Variants in PARD3B observed in about 807,000 individuals in gnomAD.
The protein encoded by PARD3B is partitioning defective 3 homolog B.
In PARD3B, 103 loss-of-function variants were observed where a neutral mutation model predicts 130.2. The observed-to-expected ratio is 0.79, with a 90% CI of 0.67 to 0.93. PARD3B has a LOEUF of 0.93. Among genes scored for constraint, PARD3B ranks in the 40% least tolerant of loss-of-function variants. The pLI, the probability that PARD3B is intolerant of heterozygous loss-of-function variation, is 0.00. For synonymous variants in PARD3B, 583 were observed against 553.2 expected, an observed-to-expected ratio of 1.05 and a Z score of -0.76; for missense variants, 1,609 against 1,499.2, an observed-to-expected ratio of 1.07 and a Z score of -1.21.
At chr2:205,479,362 C>T (rs886179667) in intron 20 of PARD3B, among the ~76,000 whole-genome samples, 14 of 152,178 alleles carry the variant, frequency 9.2e-5, no homozygotes, top group African/African-American at 3.4e-4. Flanking sequence ...CCAAAGTCTA[C>T]AGAAGACACA....
intron 4 of PARD3B, among the ~76,000 whole-genome samples, chr2:205,066,775 T>C (rs940937794): frequency 6.6e-6 from 1 of 152,212 alleles, no homozygotes; most frequent in African/African-American, 2.4e-5. Flanking sequence ...CTTCTAATTC[T>C]AAATCATCTA....
At chr2:205,598,540 A>G (rs989806369) in intron 22 of PARD3B, among the ~76,000 whole-genome samples, 1 of 152,204 alleles carries the variant, frequency 6.6e-6, no homozygotes, top group Non-Finnish European at 1.5e-5. Context: ...CCCCACTCAC[A>G]GCATTAGTTG....
chr2:205,093,999 C>T (rs181804843), intron 4 of PARD3B, among the ~76,000 whole-genome samples: 1 of 152,288 alleles, frequency 6.6e-6, no homozygotes, highest in East Asian at 1.9e-4. Context: ...TTTCCACATG[C>T]TATAAGAACC....
At chr2:204,794,152 C>G (rs2042289529) in intron 2 of PARD3B, among the ~76,000 whole-genome samples, 1 of 151,936 alleles carries the variant, frequency 6.6e-6, no homozygotes, top group African/African-American at 2.4e-5. Context: ...TGGTAATGTT[C>G]AAAGCAACAT....
intron 1 of PARD3B, among the ~76,000 whole-genome samples, chr2:204,598,403 G>C (rs1378880130): frequency 6.6e-6 from 1 of 152,076 alleles, no homozygotes; most frequent in African/African-American, 2.4e-5. Context: ...GACTACAGGG[G>C]TAGTTTATCT....
chr2:204,980,576 C>T (rs2125207232), intron 3 of PARD3B, among the ~76,000 whole-genome samples: 1 of 152,294 alleles, frequency 6.6e-6, no homozygotes, highest in South Asian at 2.1e-4. Flanking sequence ...TTATTATCTC[C>T]AGGCATAATT....
chr2:205,451,494 T>C (rs569430607), intron 20 of PARD3B, among the ~76,000 whole-genome samples: 16 of 152,174 alleles, frequency 1.1e-4, no homozygotes, highest in Non-Finnish European at 2.4e-4. Context: ...TTCTCTTTTT[T>C]TTCAGTTCCC....
intron 1 of PARD3B, among the ~76,000 whole-genome samples, chr2:204,621,811 C>A (rs1323770524): frequency 1.3e-5 from 2 of 152,152 alleles, no homozygotes; most frequent in African/African-American, 4.8e-5. Context: ...TGGGTCTATA[C>A]AACTTGTAAA....
At chr2:204,587,631 A>G (rs2032885981) in intron 1 of PARD3B, among the ~76,000 whole-genome samples, 3 of 152,204 alleles carry the variant, frequency 2.0e-5, no homozygotes, top group African/African-American at 7.2e-5. Flanking sequence ...ATTCAGCTCA[A>G]ATAAGCCAAT....
chr2:204,618,189 T>A (rs1224178205), intron 1 of PARD3B, among the ~76,000 whole-genome samples: 1 of 152,212 alleles, frequency 6.6e-6, no homozygotes, highest in Non-Finnish European at 1.5e-5. Flanking sequence ...TACTGGGCCA[T>A]GTTTATGTCC....
Position 204,686,040 on chromosome 2 carries a change from A to G in PARD3B, c.121-141A>G, listed in dbSNP as rs553084546. ...GCCAAGTATTTTTTTCCAAATAAAT[A>G]GATAACATTTGTTTTCAGTGTTTAA... On this transcript the variant is annotated intron_variant, in intron 1 of 22. Coordinates refer to ENST00000406610, the MANE Select transcript of PARD3B (RefSeq NM_001302769.2). The G allele has an allele frequency of 2.2e-5, 13 of 595,884 alleles. No individual in the cohort carries two copies. The South Asian group carries it at 2.9e-4, about 13-fold the overall frequency. The allele number at this position is 595,884 out of a possible 1,614,324, so 36.9% of individuals were successfully genotyped here.
intron 2 of PARD3B, among the ~76,000 whole-genome samples, chr2:204,691,805 A>G (rs1022315127): frequency 5.4e-5 from 8 of 148,520 alleles, no homozygotes; most frequent in Admixed American, 2.0e-4. Flanking sequence ...TGCTTTTTAA[A>G]CAAAACTGAT....
At chr2:205,581,775 C>T (rs1367204913) in intron 22 of PARD3B, among the ~76,000 whole-genome samples, 3 of 151,692 alleles carry the variant, frequency 2.0e-5, no homozygotes, top group Non-Finnish European at 4.4e-5. Flanking sequence ...TAAAAAGATA[C>T]CTAAATCATC....
At chr2:205,454,877 G>A (rs927587074) in intron 20 of PARD3B, among the ~76,000 whole-genome samples, 2 of 152,084 alleles carry the variant, frequency 1.3e-5, no homozygotes, top group Non-Finnish European at 2.9e-5. Context: ...TACAGGGAAG[G>A]TTAGTCTTTA....
rs1258768323 is a variant in PARD3B at position 205,568,617 on chromosome 2, T to C, written c.3260+15214T>C. 6.6e-6 allele frequency among the ~76,000 whole-genome samples: 1 copy of C among 152,152 alleles called. No homozygotes were observed. Among genetic ancestry groups the C allele is most frequent in the Non-Finnish European group, 1.5e-5 (1 of 68,028 alleles). On this transcript the variant is annotated intron_variant, in intron 22 of 22. Transcript: ENST00000406610. The surrounding 1 kb of genome is among the most constrained non-coding windows in gnomAD (Gnocchi z 5.3). ...TGATGGTTTGAGTGTGTGCTGTGGCTTTACCTAGGATCGTGGCTATACACA... is the reference window on the plus strand; with the variant it reads ...TGATGGTTTGAGTGTGTGCTGTGGCCTTACCTAGGATCGTGGCTATACACA...
chr2:204,564,652 A>G (rs1186968638), intron 1 of PARD3B, among the ~76,000 whole-genome samples: 1 of 152,220 alleles, frequency 6.6e-6, no homozygotes, highest in East Asian at 1.9e-4. Context: ...GGTGAGAACC[A>G]TAGCACTATA....
intron 2 of PARD3B, among the ~76,000 whole-genome samples, chr2:204,845,541 TG>T (rs2044427479): frequency 6.6e-6 from 1 of 152,112 alleles, no homozygotes; most frequent in Admixed American, 6.6e-5. Context: ...AAATCTTGGT[TG>T]TCCTTGTTTG....
intron 3 of PARD3B, among the ~76,000 whole-genome samples, chr2:205,007,175 T>C (rs116697205): frequency 0.03 from 4,553 of 152,242 alleles, 226 homozygotes; most frequent in African/African-American, 0.1. Context: ...TTCTCCTTCC[T>C]GCCACCTTGT....
intron 20 of PARD3B, among the ~76,000 whole-genome samples, chr2:205,455,864 C>T (rs750979679): frequency 6.6e-5 from 10 of 151,968 alleles, no homozygotes; most frequent in South Asian, 4.1e-4. Context: ...GGTAGATCCA[C>T]GTAACCATTT....
Sources: gnomAD v4.1 joint callset for allele counts (sites outside exome capture counted in the v4.1 genomes callset) on GRCh38, gnomAD v4.1.1 for gene constraint, Gnocchi (gnomAD v3.1) non-coding constraint, MANE v1.5 for transcripts, NCBI Gene and HGNC (gene_info 2026-07-23, HGNC 2026-07-21) for gene names.